Variants in PDHX observed in about 807,000 individuals in gnomAD.
PDHX encodes pyruvate dehydrogenase complex component X.
A neutral mutation model predicts 55.3 loss-of-function variants in PDHX; 33 were observed. The ratio of observed to expected loss-of-function variants is 0.60; its 90% CI spans 0.45 to 0.80. The LOEUF (loss-of-function observed/expected upper bound fraction) is 0.80. PDHX is among the 30% of genes least tolerant of loss of function. The probability of loss-of-function intolerance (pLI) is 0.00; values close to 1 mark genes in which losing one functional copy is unlikely to be tolerated. For synonymous variants in PDHX, 226 were observed against 219.4 expected, an observed-to-expected ratio of 1.03 and a Z score of -0.27; for missense variants, 622 against 619.9, an observed-to-expected ratio of 1.00 and a Z score of -0.04.
chr11:34,956,446 A>C (rs12292931), intron 3 of PDHX, among the ~76,000 whole-genome samples: 15,332 of 152,142 alleles, frequency 0.1, 1,622 homozygotes, highest in African/African-American at 0.27. Context: ...TTGTTCATTA[A>C]ATACAGCTAA....
intron 9 of PDHX, among the ~76,000 whole-genome samples, chr11:34,991,461 A>G (rs534093166): frequency 6.6e-6 from 1 of 152,366 alleles, no homozygotes; most frequent in South Asian, 2.1e-4. Context: ...TACATATAAT[A>G]TTGAACAATT....
Position 34,984,632 on chromosome 11 carries a change from C to T in PDHX, c.1086C>T (p.Asp362=). 1 of 1,613,654 alleles carries T rather than the reference C, an allele frequency of 6.2e-7. No homozygotes were observed. The highest frequency in any genetic ancestry group is 1.7e-4 in the Middle Eastern group (1 of 6,060). Residue 362 remains aspartate, a synonymous_variant, in exon 9 of 11, where the codon GAC becomes GAT. Transcript: ENST00000227868. ...GCCCAAAGCAACTGCCATTTATTGA[C>T]ATTTCAGTGGCTGTGGCAACAGATA... ...GEGPKQLPFI[D]ISVAVATDKG... is the part of the protein sequence containing the mutation.
intron 6 of PDHX, among the ~76,000 whole-genome samples, chr11:34,969,529 A>T (rs1855210454): frequency 6.6e-6 from 1 of 151,906 alleles, no homozygotes. Context: ...TTCTTAGTAG[A>T]GATGGGGTTT....
At chr11:34,928,459 C>A (rs1854077413) in intron 1 of PDHX, among the ~76,000 whole-genome samples, 1 of 150,412 alleles carries the variant, frequency 6.6e-6, no homozygotes, top group East Asian at 1.9e-4. Flanking sequence ...TTTTGCCCAC[C>A]CCCCTCCTTT....
At chr11:34,965,692 G>A (rs1271602069) in intron 5 of PDHX, among the ~76,000 whole-genome samples, 1 of 152,132 alleles carries the variant, frequency 6.6e-6, no homozygotes, top group Non-Finnish European at 1.5e-5. Context: ...GTTGCCATAA[G>A]TAAAGGGGTC....
At chr11:34,990,349 C>T (rs945667243) in intron 9 of PDHX, among the ~76,000 whole-genome samples, 7 of 152,112 alleles carry the variant, frequency 4.6e-5, no homozygotes, top group Admixed American at 1.3e-4. Flanking sequence ...CAGGAGATCC[C>T]AGTGATGATT....
chr11:34,986,532 G>A (rs7938431), intron 9 of PDHX, among the ~76,000 whole-genome samples: 2,176 of 152,152 alleles, frequency 0.014, 47 homozygotes, highest in African/African-American at 0.05. Flanking sequence ...GAACTTTATT[G>A]TAGAGCTAGA....
At chr11:34,967,229 A>G (rs1855157328) in intron 6 of PDHX, among the ~76,000 whole-genome samples, 2 of 152,192 alleles carry the variant, frequency 1.3e-5, no homozygotes, top group Non-Finnish European at 2.9e-5. Flanking sequence ...TAGATTTAAA[A>G]CAGATTAGTT....
chr11:34,967,334 G>C (rs541641860), intron 6 of PDHX, among the ~76,000 whole-genome samples: 1 of 152,238 alleles, frequency 6.6e-6, no homozygotes, highest in East Asian at 1.9e-4. Flanking sequence ...AAATTTGTTT[G>C]TGTGTTAACT....
At chr11:34,955,634 T>A (rs1416327374) in intron 3 of PDHX, among the ~76,000 whole-genome samples, 3 of 152,180 alleles carry the variant, frequency 2.0e-5, no homozygotes, top group Non-Finnish European at 1.5e-5. Context: ...ATTGAAATGA[T>A]GATAAATGCT....
upstream of PDHX, chr11:34,916,025 C>CCGAGA (rs1444208438): frequency 3.0e-6 from 2 of 659,730 alleles, no homozygotes; most frequent in East Asian, 5.9e-5. Context: ...AGCGCCCCGC[C>CCGAGA]CGAGACCACT....
intron 2 of PDHX, among the ~76,000 whole-genome samples, chr11:34,935,361 T>A (rs1854284360): frequency 6.6e-6 from 1 of 152,168 alleles, no homozygotes; most frequent in Non-Finnish European, 1.5e-5. Flanking sequence ...AAGTACCTAA[T>A]ATGGTGCTTA....
chr11:34,923,904 A>G (rs1178708276), intron 1 of PDHX, among the ~76,000 whole-genome samples: 1 of 152,218 alleles, frequency 6.6e-6, no homozygotes, highest in Non-Finnish European at 1.5e-5. Context: ...GTTTTCAAGT[A>G]TGAAATGTAG....
chr11:34,977,873 A>G, intron 7 of PDHX: 1 of 536,076 alleles, frequency 1.9e-6, no homozygotes, highest in Non-Finnish European at 3.6e-6. Context: ...TATGATATCT[A>G]AGCAATTTAA....
intron 8 of PDHX, among the ~76,000 whole-genome samples, chr11:34,983,060 A>G (rs1855554258): frequency 6.6e-6 from 1 of 152,216 alleles, no homozygotes; most frequent in Non-Finnish European, 1.5e-5. Context: ...CAGCACATCA[A>G]AAAGCTTATC....
intron 1 of PDHX, among the ~76,000 whole-genome samples, chr11:34,920,454 G>A (rs940738227): frequency 2.6e-5 from 4 of 152,152 alleles, no homozygotes; most frequent in African/African-American, 9.7e-5. Flanking sequence ...GAACACTAGA[G>A]CCTACAGTAG....
chr11:34,959,284 G>A (rs1248403110), intron 4 of PDHX, among the ~76,000 whole-genome samples: 1 of 152,032 alleles, frequency 6.6e-6, no homozygotes, highest in Non-Finnish European at 1.5e-5. Context: ...CTCCCAAGAA[G>A]ATACATAGAT....
chr11:34,963,276 A>G (rs148775980), intron 5 of PDHX, among the ~76,000 whole-genome samples: 88 of 151,894 alleles, frequency 5.8e-4, no homozygotes, highest in African/African-American at 2.1e-3. Flanking sequence ...TAACGTTTTG[A>G]ATTTTTTTTT....
At chr11:34,923,679 A>C (rs902502933) in intron 1 of PDHX, among the ~76,000 whole-genome samples, 1 of 152,134 alleles carries the variant, frequency 6.6e-6, no homozygotes, top group Non-Finnish European at 1.5e-5. Flanking sequence ...TGATGGTCTA[A>C]TGGCATTTTT....
Sources: allele counts gnomAD v4.1 joint callset (sites outside exome capture counted in the v4.1 genomes callset), GRCh38; gene constraint gnomAD v4.1.1; transcripts MANE v1.5; gene names NCBI Gene and HGNC (gene_info 2026-07-23, HGNC 2026-07-21).